DRC7: variants seen among roughly 807,000 people sequenced by gnomAD.
DRC7 encodes dynein regulatory complex subunit 7.
Under a neutral mutation model 104.4 loss-of-function variants are expected in DRC7, and 80 were observed. The ratio of observed to expected loss-of-function variants is 0.77; its 90% CI spans 0.64 to 0.92. The LOEUF is 0.92. Among genes scored for constraint, DRC7 ranks in the 40% least tolerant of loss-of-function variants. DRC7 has a pLI of 0.00. For missense variants in DRC7, 1,034 were observed against 1,141.1 expected, an observed-to-expected ratio of 0.91 and a Z score of 1.35; for synonymous variants, 405 against 447.3, an observed-to-expected ratio of 0.91 and a Z score of 1.19.
chr16:57,722,103 G>A (rs1007045706), intron 10 of DRC7, among the ~76,000 whole-genome samples: 9 of 152,328 alleles, frequency 5.9e-5, no homozygotes, highest in Admixed American at 2.6e-4. Flanking sequence ...TCTCAGGACC[G>A]GAGAGGGGCA....
At chr16:57,710,640 C>T (rs1258880311) in intron 8 of DRC7, among the ~76,000 whole-genome samples, 2 of 152,130 alleles carry the variant, frequency 1.3e-5, no homozygotes, top group African/African-American at 4.8e-5. Flanking sequence ...TATTGGTTCC[C>T]ATTATCAAAT....
At chr16:57,724,135 C>T (rs1169676088) in intron 12 of DRC7, among the ~76,000 whole-genome samples, 4 of 151,872 alleles carry the variant, frequency 2.6e-5, no homozygotes, top group African/African-American at 9.7e-5. Context: ...CATGGTGAAA[C>T]CCCGTTTCTA....
chr16:57,721,331 GT>G (rs2048899750), intron 9 of DRC7, among the ~76,000 whole-genome samples: 2 of 152,230 alleles, frequency 1.3e-5, no homozygotes, highest in Admixed American at 1.3e-4. Flanking sequence ...GCTTAGAGCA[GT>G]TAAAGGACTT....
At position 57,722,748 on chromosome 16, in the gene DRC7, A is replaced by G. The variant is rs2048917244; in HGVS notation, c.1315A>G (p.Ile439Val). Residue 439 changes from isoleucine (I) to valine (V), a missense_variant, in exon 11 of 19, where the codon ATT becomes GTT. Physicochemically the swap from Ile to Val is conservative, Grantham distance 29. Coordinates refer to ENST00000360716, the MANE Select transcript of DRC7 (RefSeq NM_001289162.2). ...CCGCTGCCCGAACGGGAAGAAGGTG[A>G]TTCAGTACAAGAGGGCAAAGCTGGA... ...ETRCPNGKKV[I>V]QYKRAKLEKW... 6.2e-7 allele frequency: 1 copy of G among 1,613,870 alleles called. No homozygotes were observed.
chr16:57,697,480 AT>A (rs199988484), intron 2 of DRC7, among the ~76,000 whole-genome samples: 2,053 of 151,190 alleles, frequency 0.014, 21 homozygotes, highest in Middle Eastern at 0.069. Context: ...AGGTGGGAGG[AT>A]TGCTTGAGCC....
At chr16:57,724,583 C>G in intron 12 of DRC7, 32 bp from the exon 13 acceptor site, 1 of 1,509,438 alleles carries the variant, frequency 6.6e-7, no homozygotes, top group Non-Finnish European at 9.1e-7. Flanking sequence ...GCTTATGAAG[C>G]TGTCTCCTCC....
chr16:57,724,377 G>A (rs1371365707), intron 12 of DRC7, among the ~76,000 whole-genome samples: 2 of 150,162 alleles, frequency 1.3e-5, no homozygotes, highest in Admixed American at 1.3e-4. Context: ...TTTATTCTTA[G>A]CAAATAATGG....
chr16:57,724,056 C>T (rs1360043762), intron 12 of DRC7, among the ~76,000 whole-genome samples: 2 of 152,024 alleles, frequency 1.3e-5, no homozygotes, highest in South Asian at 2.1e-4. Flanking sequence ...GGCACAGTGG[C>T]GCACACCTAT....
At chr16:57,703,647 T>C (rs1046371346) in intron 6 of DRC7, among the ~76,000 whole-genome samples, 3 of 152,120 alleles carry the variant, frequency 2.0e-5, no homozygotes, top group African/African-American at 7.2e-5. Flanking sequence ...GAGCACGAGC[T>C]CCGCCATGGC....
chr16:57,700,347 AC>A, intron 5 of DRC7, 77 bp downstream of exon 5: 1 of 1,529,576 alleles, frequency 6.5e-7, no homozygotes, highest in South Asian at 1.2e-5. Flanking sequence ...ACCCATCCAA[AC>A]CCAAAGAATG....
rs1193219743 is a variant in DRC7, at chr16:57,707,446, C to T, written c.859-14C>T. The T allele has an allele frequency of 6.2e-7, 1 of 1,606,704 alleles. No individual in the cohort carries two copies. The highest frequency in any genetic ancestry group is 8.5e-7 in the Non-Finnish European group (1 of 1,176,226). On this transcript the variant is annotated splice_polypyrimidine_tract_variant and intron_variant, in intron 7 of 18. Transcript: ENST00000360716. Reference sequence around the variant, plus strand: ...CAGCCATCTGACTCGTAGTCACCCACCTTTCCTTGGCAGGAAGCGGAGAAG... The same window carrying T: ...CAGCCATCTGACTCGTAGTCACCCATCTTTCCTTGGCAGGAAGCGGAGAAG...
chr16:57,722,657 T>C, intron 10 of DRC7, 56 bp from the exon 11 acceptor site: 1 of 1,605,148 alleles, frequency 6.2e-7, no homozygotes, highest in Non-Finnish European at 8.5e-7. Context: ...TGGGCGGGGC[T>C]GGCCCTCCCT....
intron 5 of DRC7, 28 bp downstream of exon 5, chr16:57,700,298 T>A: frequency 6.2e-7 from 1 of 1,602,412 alleles, no homozygotes; most frequent in Non-Finnish European, 8.5e-7. Flanking sequence ...GCTGCATGCC[T>A]GAGCCCACCA....
Position 57,721,562 on chromosome 16 carries a change from G to A in DRC7, c.1207-105G>A, listed in dbSNP as rs2048902836. 6.1e-6 allele frequency: 5 copies of A among 819,396 alleles called. No homozygotes were observed. In the African/African-American group the frequency reaches 6.9e-5, roughly 11 times the overall value. The allele number at this position is 819,396 out of a possible 1,614,324, so 50.8% of individuals were successfully genotyped here. A position where few individuals can be genotyped will look rare whatever the true frequency, so the allele number is the denominator to read the frequency against. The stretch of plus-strand genomic sequence containing the variant: ...TCCAGTTCCCCTGCGGAAGCCAACG[G>A]ACCACCTTGGCTTGGCTCTGCAGGC... On this transcript the variant is annotated intron_variant, in intron 9 of 18. Coordinates refer to ENST00000360716, the MANE Select transcript of DRC7 (RefSeq NM_001289162.2).
rs1567886646 is a variant in DRC7 at position 57,724,729 on chromosome 16, A to G, written c.1652A>G (p.Tyr551Cys). 1 of 1,613,914 alleles carries G rather than the reference A, an allele frequency of 6.2e-7. No homozygotes were observed. Among genetic ancestry groups the G allele is most frequent in the Admixed American group, 1.7e-5 (1 of 60,026 alleles). ...GAGACACCCAGGACAATGACAGAGT[A>G]CTATCAAGGACGCCCAGACTTCCTC... ...REETPRTMTE[Y>C]YQGRPDFLSY... Residue 551 changes from tyrosine to cysteine, a missense_variant, in exon 13 of 19, where the codon TAC becomes TGC. Coordinates refer to ENST00000360716, the MANE Select transcript of DRC7 (RefSeq NM_001289162.2).
At position 57,712,423 on chromosome 16, in the gene DRC7, A is replaced by G. The variant is rs143315108; in HGVS notation, c.1077+4745A>G. The stretch of plus-strand genomic sequence containing the variant: ...TTGGCCCCGTTTTAGCTAGTCCTCA[A>G]TTTGGTCCAGTGTCTGAGCCCCCAG... On this transcript the variant is annotated intron_variant, in intron 8 of 18. Transcript: ENST00000360716. Among the ~76,000 whole-genome samples, 33 of 152,274 alleles carry G rather than the reference A, an allele frequency of 2.2e-4. 1 individual carries two copies. Among genetic ancestry groups the G allele is most frequent in the Middle Eastern group, 6.8e-3 (2 of 294 alleles).
intron 4 of DRC7, 118 bp from the exon 5 acceptor site, chr16:57,700,026 TG>T: frequency 8.3e-7 from 1 of 1,209,354 alleles, no homozygotes; most frequent in Non-Finnish European, 1.2e-6. Context: ...CATGTGGGCC[TG>T]GCCTCCTGCA....
chr16:57,697,079 A>C (rs1240247857), intron 2 of DRC7, among the ~76,000 whole-genome samples: 1 of 151,842 alleles, frequency 6.6e-6, no homozygotes, highest in Non-Finnish European at 1.5e-5. Context: ...CGCCTGGCTA[A>C]TTTTTGTATT....
chr16:57,703,324 G>A (rs2048679392), intron 6 of DRC7, among the ~76,000 whole-genome samples: 1 of 151,914 alleles, frequency 6.6e-6, no homozygotes, highest in African/African-American at 2.4e-5. Context: ...AAATACTCTG[G>A]AATGAATATC....
Sources: gnomAD v4.1 joint callset for allele counts (sites outside exome capture counted in the v4.1 genomes callset) on GRCh38, gnomAD v4.1.1 for gene constraint, MANE v1.5 for transcripts, NCBI Gene and HGNC (gene_info 2026-07-23, HGNC 2026-07-21) for gene names.